The following MYPN variants were observed in gnomAD, a reference collection of about 807,000 sequenced individuals.
MYPN encodes the protein myopalladin, also known as sarcomeric protein myopalladin, 145 kDa (MYOP).
Under a neutral mutation model 129.4 loss-of-function variants are expected in MYPN, and 63 were observed. The observed-to-expected ratio is 0.49, with a 90% confidence interval of 0.40 to 0.60. The LOEUF (loss-of-function observed/expected upper bound fraction) is 0.60. Ranked by LOEUF, MYPN falls within the 20% of genes least tolerant of loss-of-function variation. The probability of loss-of-function intolerance (pLI) is 0.00; values close to 1 mark genes in which losing one functional copy is unlikely to be tolerated. For missense variants in MYPN, 1,596 were observed against 1,635.4 expected, an observed-to-expected ratio of 0.98 and a Z score of 0.42; for synonymous variants, 629 against 600.9, an observed-to-expected ratio of 1.05 and a Z score of -0.68.
Position 68,210,501 on chromosome 10 carries a change from G to T in MYPN, c.*46G>T, listed in dbSNP as rs766172764. The T allele has an allele frequency of 1.4e-5, 22 of 1,608,752 alleles. No individual in the cohort carries two copies. The South Asian group carries it at 2.0e-4, about 14-fold the overall frequency. On this transcript the variant is annotated 3_prime_UTR_variant, in exon 20 of 20. Transcript: ENST00000358913. ...TGTAAGAGAGCGGACTGTGGAGGGG[G>T]AATGAGAACAAGCCAGACTTGGTGG...
chr10:68,160,260 A>G (rs1489341998), intron 7 of MYPN, among the ~76,000 whole-genome samples: 9 of 151,466 alleles, frequency 5.9e-5, no homozygotes, highest in Admixed American at 6.6e-5. Context: ...CAAAAACAAC[A>G]AAAACAAAAA....
chr10:68,118,116 C>A (rs2042184405), intron 1 of MYPN, among the ~76,000 whole-genome samples: 1 of 152,042 alleles, frequency 6.6e-6, no homozygotes, highest in African/African-American at 2.4e-5. Flanking sequence ...AACATAAGAA[C>A]AGGTACATTA....
In MYPN at chr10:68,211,673, A is replaced by C. The variant is rs975851106; in HGVS notation, c.*1218A>C. On this transcript the variant is annotated 3_prime_UTR_variant, in exon 20 of 20. Coordinates refer to ENST00000358913, the MANE Select transcript of MYPN (RefSeq NM_032578.4). ...TAGAAGAGTACCTAGCACAAAGTAG[A>C]CATTCAATAAATATTTGCTGGTTGA... The C allele has an allele frequency of 1.5e-5, 7 of 454,022 alleles. No homozygotes were observed. Among genetic ancestry groups the C allele is most frequent in the Non-Finnish European group, 3.1e-5 (7 of 226,808 alleles). The allele number at this position is 454,022 out of a possible 1,614,324, so 28.1% of individuals were successfully genotyped here. A position where few individuals can be genotyped will look rare whatever the true frequency, so the allele number is the denominator to read the frequency against.
chr10:68,173,574 TTTTATTTATTTATTTATTTATTTATTTA>T (rs10688159), intron 10 of MYPN, among the ~76,000 whole-genome samples: 35 of 140,754 alleles, frequency 2.5e-4, no homozygotes, highest in Admixed American at 1.1e-3. Context: ...CATCAAGTTA[TTTTATTTATTTATTTATTTATTTATTTA>T]TTTATTTATT....
chr10:68,152,943 T>C (rs1034337690), intron 6 of MYPN, among the ~76,000 whole-genome samples: 12 of 150,986 alleles, frequency 7.9e-5, no homozygotes, highest in Admixed American at 6.6e-5. Flanking sequence ...CTAACATTTA[T>C]TTTATTTTAT....
At chr10:68,135,145 G>A (rs2042467225) in intron 2 of MYPN, among the ~76,000 whole-genome samples, 1 of 151,796 alleles carries the variant, frequency 6.6e-6, no homozygotes, top group Non-Finnish European at 1.5e-5. Context: ...AGAGATGGAG[G>A]TTTCACCATG....
chr10:68,211,509 C>T lies in MYPN; in HGVS notation c.*1054C>T, dbSNP rs777850596. ...TGCTTTGAGATCATTGGTCAAATTG[C>T]ATTTTCTATGTAGAGAATATTCTGC... On this transcript the variant is annotated 3_prime_UTR_variant, in exon 20 of 20. Transcript: ENST00000358913. 14 of 453,874 alleles carry T rather than the reference C, an allele frequency of 3.1e-5. No individual in the cohort carries two copies. Among genetic ancestry groups the T allele is most frequent in the Non-Finnish European group, 4.4e-6 (1 of 226,754 alleles). 28.1% of individuals were successfully genotyped at this position (453,874 alleles called of 1,614,324 possible).
intron 1 of MYPN, among the ~76,000 whole-genome samples, chr10:68,118,460 A>G (rs1034552172): frequency 1.3e-5 from 2 of 152,218 alleles, no homozygotes; most frequent in African/African-American, 4.8e-5. Flanking sequence ...ATCTGGTACC[A>G]AGGCCAATGC....
At chr10:68,108,731 A>T (rs2042042238), upstream of MYPN, among the ~76,000 whole-genome samples, 1 of 151,474 alleles carries the variant, frequency 6.6e-6, no homozygotes, top group Admixed American at 6.6e-5. Context: ...TAATTTTATT[A>T]TTTTTTTTGA....
chr10:68,133,753 G>A (rs1297212733), intron 2 of MYPN, among the ~76,000 whole-genome samples: 1 of 151,314 alleles, frequency 6.6e-6, no homozygotes, highest in African/African-American at 2.4e-5. Flanking sequence ...TCCCCTGCTT[G>A]GGCTGAGCCA....
intron 13 of MYPN, among the ~76,000 whole-genome samples, chr10:68,190,815 T>C (rs1055721599): frequency 2.0e-5 from 3 of 152,234 alleles, no homozygotes; most frequent in Non-Finnish European, 4.4e-5. Flanking sequence ...TTTCATAGTT[T>C]CAGGCCTGGC....
chr10:68,144,984 T>C (rs888327246), intron 3 of MYPN, among the ~76,000 whole-genome samples: 7 of 152,122 alleles, frequency 4.6e-5, no homozygotes, highest in African/African-American at 1.7e-4. Flanking sequence ...ATTTCCTTGT[T>C]TGTCAAGTTG....
chr10:68,185,028 G>A (rs1281608694), intron 12 of MYPN, among the ~76,000 whole-genome samples: 1 of 151,970 alleles, frequency 6.6e-6, no homozygotes, highest in Non-Finnish European at 1.5e-5. Flanking sequence ...GGGACTTCCG[G>A]CCGGGCGTGC....
At chr10:68,093,535 G>A (rs1323013889) in intron 1 of MYPN, among the ~76,000 whole-genome samples, 5 of 147,296 alleles carry the variant, frequency 3.4e-5, no homozygotes, top group South Asian at 2.1e-4. Flanking sequence ...TCAGCAGATC[G>A]AGACCATCCC....
At chr10:68,204,246 C>A (rs143348765) in intron 18 of MYPN, among the ~76,000 whole-genome samples, 76 of 152,300 alleles carry the variant, frequency 5.0e-4, no homozygotes, top group Non-Finnish European at 9.7e-4. Flanking sequence ...TTCACAACAC[C>A]CAATGCCTTT....
At chr10:68,172,088 G>A (rs900727859) in intron 10 of MYPN, among the ~76,000 whole-genome samples, 1 of 152,144 alleles carries the variant, frequency 6.6e-6, no homozygotes, top group East Asian at 1.9e-4. Context: ...CCAGCAAGGC[G>A]CTTGCCTGTA....
intron 2 of MYPN, among the ~76,000 whole-genome samples, chr10:68,140,909 T>C (rs2042566256): frequency 6.6e-6 from 1 of 151,958 alleles, no homozygotes. Context: ...ACGAATCTAC[T>C]AAAAATACAA....
At chr10:68,168,483 G>A (rs1472033596) in intron 10 of MYPN, among the ~76,000 whole-genome samples, 1 of 152,170 alleles carries the variant, frequency 6.6e-6, no homozygotes, top group African/African-American at 2.4e-5. Flanking sequence ...GCGGCCCAGG[G>A]AAATACAGTC....
chr10:68,196,172 G>T (rs2043600908), intron 15 of MYPN, among the ~76,000 whole-genome samples: 1 of 152,196 alleles, frequency 6.6e-6, no homozygotes, highest in East Asian at 1.9e-4. Flanking sequence ...ATGTAAATCA[G>T]ACCCATTGAA....
Sources: allele counts gnomAD v4.1 joint callset (sites outside exome capture counted in the v4.1 genomes callset), GRCh38; gene constraint gnomAD v4.1.1; transcripts MANE v1.5; gene names NCBI Gene and HGNC (gene_info 2026-07-23, HGNC 2026-07-21).